The following PYGL variants were observed in gnomAD, a reference collection of about 807,000 sequenced individuals.
PYGL encodes the protein glycogen phosphorylase L, also known as glycogen phosphorylase, liver form.
Under a neutral mutation model 100.1 loss-of-function variants are expected in PYGL, and 90 were observed. That is an observed-to-expected ratio of 0.90 (90% confidence interval 0.76 to 1.07). The LOEUF (loss-of-function observed/expected upper bound fraction) is 1.07. Ranked by LOEUF, PYGL falls within the 50% of genes least tolerant of loss-of-function variation. PYGL has a pLI of 0.00. For missense variants in PYGL, 1,016 were observed against 1,057.6 expected, an observed-to-expected ratio of 0.96 and a Z score of 0.55; for synonymous variants, 373 against 393.0, an observed-to-expected ratio of 0.95 and a Z score of 0.60.
chr14:50,920,522 A>AG lies in PYGL; in HGVS notation c.855+18dup. 6.3e-7 allele frequency: 1 copy of AG among 1,594,754 alleles called. No homozygotes were observed. The highest frequency in any genetic ancestry group is 8.6e-7 in the Non-Finnish European group (1 of 1,162,512). On this transcript the variant is annotated intron_variant, in intron 7 of 19. Coordinates refer to ENST00000216392, the MANE Select transcript of PYGL (RefSeq NM_002863.5). ...AAGCTGCCTCTGTTGCCACTAAGAA[A>AG]GCAACCTTGATCACTCACATTGTCA...
At chr14:50,917,754 G>C (rs1005314163) in intron 7 of PYGL, among the ~76,000 whole-genome samples, 2 of 152,222 alleles carry the variant, frequency 1.3e-5, no homozygotes, top group African/African-American at 4.8e-5. Context: ...GGCCTTAGAG[G>C]CCATGATGGT....
chr14:50,915,129 A>C (rs2050433384), intron 11 of PYGL: 1 of 705,238 alleles, frequency 1.4e-6, no homozygotes, highest in Non-Finnish European at 2.3e-6. Flanking sequence ...CTATGTCTAG[A>C]ATTAAGATGG....
chr14:50,905,220 C>A lies in PYGL; in HGVS notation c.*172G>T, dbSNP rs2050318019. ...AAAATAAGTTTTGGCACTCATGTAG[C>A]CCTTGGAAATTGACACTTTATTTTT... On this transcript the variant is annotated 3_prime_UTR_variant, in exon 20 of 20. Transcript: ENST00000216392. 1.5e-6 allele frequency: 1 copy of A among 676,476 alleles called. No individual in the cohort carries two copies. The highest frequency in any genetic ancestry group is 2.8e-5 in the East Asian group (1 of 35,722). 41.9% of individuals were successfully genotyped at this position (676,476 alleles called of 1,614,324 possible).
intron 1 of PYGL, among the ~76,000 whole-genome samples, chr14:50,939,582 TA>T (rs371918661): frequency 4.4e-4 from 64 of 145,362 alleles, no homozygotes; most frequent in South Asian, 4.3e-4. Context: ...GTTTACTAAT[TA>T]AAAAAAAAAA....
intron 7 of PYGL, among the ~76,000 whole-genome samples, chr14:50,918,743 TA>T (rs1248789930): frequency 6.6e-6 from 1 of 152,166 alleles, no homozygotes; most frequent in Admixed American, 6.5e-5. Flanking sequence ...AAATTACCAC[TA>T]AAGAACTTAT....
At position 50,910,022 on chromosome 14, in the gene PYGL, G is replaced by A; in HGVS notation, c.2050C>T (p.Leu684=). 6.2e-7 allele frequency: 1 copy of A among 1,614,152 alleles called. No individual in the cohort carries two copies. The highest frequency in any genetic ancestry group is 8.5e-7 in the Non-Finnish European group (1 of 1,179,998). The change falls in exon 17 of 20, where the codon CTA becomes TTA. Residue 684 remains leucine, a synonymous_variant. Coordinates refer to ENST00000216392, the MANE Select transcript of PYGL (RefSeq NM_002863.5). ...ASGTGNMKFM[L]NGALTIGTMD... is the part of the protein sequence containing the mutation. ...GTCCCGATAGTTAGGGCCCCATTTAGCATGAACTTCATATTGCCTGTCCCC... is the reference window on the plus strand; with the variant it reads ...GTCCCGATAGTTAGGGCCCCATTTAACATGAACTTCATATTGCCTGTCCCC...
At chr14:50,912,889 G>A in intron 13 of PYGL, 140 bp downstream of exon 13, 1 of 727,540 alleles carries the variant, frequency 1.4e-6, no homozygotes, top group East Asian at 3.0e-5. Flanking sequence ...GGGAGGCGGA[G>A]GTTGCAGTGA....
intron 1 of PYGL, among the ~76,000 whole-genome samples, chr14:50,943,924 G>A (rs2050724079): frequency 6.6e-6 from 1 of 152,242 alleles, no homozygotes; most frequent in South Asian, 2.1e-4. Flanking sequence ...CGGCACAGTG[G>A]TTTGGGCGGG....
At chr14:50,924,131 T>C in intron 4 of PYGL, 31 bp from the exon 5 acceptor site, 1 of 1,609,030 alleles carries the variant, frequency 6.2e-7, no homozygotes, top group Non-Finnish European at 8.5e-7. Flanking sequence ...GCTTAGAATT[T>C]ATTTGTCAGG....
chr14:50,920,527 C>T lies in PYGL; in HGVS notation c.855+14G>A. 1 of 1,601,410 alleles carries T rather than the reference C, an allele frequency of 6.2e-7. No individual in the cohort carries two copies. On this transcript the variant is annotated intron_variant, in intron 7 of 19. Transcript: ENST00000216392. ...GCCTCTGTTGCCACTAAGAAAGCAA[C>T]CTTGATCACTCACATTGTCATTGGG...
rs144257427 is a variant in PYGL at position 50,920,879 on chromosome 14, A to G, written c.772+77T>C. ...ACTCAAGGCTTTTTTGTTTGTTTCA[A>G]GCTCAATTTGGTTCTAACTACCAAT... On this transcript the variant is annotated intron_variant, in intron 6 of 19. Transcript: ENST00000216392. The G allele has an allele frequency of 5.9e-4, 830 of 1,416,466 alleles. 3 individuals carry two copies. In the African/African-American group the frequency reaches 0.01, roughly 17 times the overall value. The allele number at this position is 1,416,466 out of a possible 1,614,324, so 87.7% of individuals were successfully genotyped here. A position where few individuals can be genotyped will look rare whatever the true frequency, so the allele number is the denominator to read the frequency against.
In PYGL at chr14:50,909,946, A is replaced by G; in HGVS notation, c.2126T>C (p.Leu709Pro). The change falls in exon 17 of 20, where the codon CTG becomes CCG. Residue 709 changes from leucine to proline, a missense_variant. Coordinates refer to ENST00000216392, the MANE Select transcript of PYGL (RefSeq NM_002863.5). ...ATCTATCCTCATGCCAAAGATGAAC[A>G]GGTTCTCTTCCCCAGCTTCTTCTGC... ...EMAEEAGEEN[L>P]FIFGMRIDDV... 3 of 1,614,102 alleles carry G rather than the reference A, an allele frequency of 1.9e-6. No homozygotes were observed. The highest frequency in any genetic ancestry group is 2.7e-5 in the African/African-American group (2 of 74,926).
intron 5 of PYGL, among the ~76,000 whole-genome samples, chr14:50,922,988 A>G (rs2050514943): frequency 6.6e-6 from 1 of 152,256 alleles, no homozygotes; most frequent in South Asian, 2.1e-4. Context: ...CGCACAGAGC[A>G]CATCTGGACT....
In PYGL at chr14:50,905,454, C is replaced by G; in HGVS notation, c.2482G>C (p.Val828Leu). ...IKEYAQNIWN[V>L]EPSDLKISLS... Reference sequence around the variant, plus strand: ...GAAATCTTTAGATCTGAAGGTTCCACGTTCCAGATGTTTTGGGCATATTCT... The same window carrying G: ...GAAATCTTTAGATCTGAAGGTTCCAGGTTCCAGATGTTTTGGGCATATTCT... The change falls in exon 20 of 20, where the codon GTG becomes CTG. Residue 828 changes from valine to leucine, a missense_variant. Physicochemically the swap from Val to Leu is conservative, Grantham distance 32 (BLOSUM62 1). Transcript: ENST00000216392. 1.2e-6 allele frequency: 2 copies of G among 1,613,764 alleles called. No homozygotes were observed. The highest frequency in any genetic ancestry group is 1.7e-6 in the Non-Finnish European group (2 of 1,179,666).
chr14:50,909,968 C>T lies in PYGL; in HGVS notation c.2104G>A (p.Glu702Lys), dbSNP rs2050376071. The change falls in exon 17 of 20, where the codon GAA becomes AAA. Residue 702 changes from glutamate to lysine, a missense_variant. Coordinates refer to ENST00000216392, the MANE Select transcript of PYGL (RefSeq NM_002863.5). The stretch of plus-strand genomic sequence containing the variant: ...AACAGGTTCTCTTCCCCAGCTTCTT[C>T]TGCCATTTCCACATTGGCCCCATCC... ...TMDGANVEMA[E>K]EAGEENLFIF... 1.2e-6 allele frequency: 2 copies of T among 1,614,126 alleles called. No homozygotes were observed. Among genetic ancestry groups the T allele is most frequent in the Non-Finnish European group, 1.7e-6 (2 of 1,180,044 alleles).
chr14:50,908,950 T>C lies in PYGL; in HGVS notation c.2183A>G (p.Glu728Gly). Reference sequence around the variant, plus strand: ...AAGTGCCTCATAGTATTCTTTTGCCTCGTACCTGTGGGGTAGGGGTGGGTG... The same window carrying C: ...AAGTGCCTCATAGTATTCTTTTGCCCCGTACCTGTGGGGTAGGGGTGGGTG... ...DVAALDKKGY[E>G]AKEYYEALPE... Residue 728 changes from glutamate to glycine, a missense_variant, in exon 18 of 20, where the codon GAG becomes GGG. Physicochemically the swap from Glu to Gly is moderately conservative, Grantham distance 98 (BLOSUM62 -2). Transcript: ENST00000216392. The C allele has an allele frequency of 6.5e-7, 1 of 1,549,172 alleles. No individual in the cohort carries two copies. The highest frequency in any genetic ancestry group is 8.9e-7 in the Non-Finnish European group (1 of 1,128,192).
At chr14:50,936,094 G>A (rs55949231) in intron 2 of PYGL, among the ~76,000 whole-genome samples, 18 of 152,296 alleles carry the variant, frequency 1.2e-4, no homozygotes, top group African/African-American at 4.1e-4. Flanking sequence ...CTCATTTTAC[G>A]ATGAAAGAAT....
intron 10 of PYGL, among the ~76,000 whole-genome samples, 154 bp downstream of exon 10, chr14:50,915,671 C>G (rs1278577580): frequency 1.3e-5 from 2 of 152,180 alleles, no homozygotes; most frequent in African/African-American, 4.8e-5. Context: ...TCAGCACTTT[C>G]AAAAAGCTGC....
chr14:50,937,937 C>T, intron 1 of PYGL, 100 bp from the exon 2 acceptor site: 14 of 1,062,928 alleles, frequency 1.3e-5, no homozygotes, highest in Non-Finnish European at 1.7e-5. Context: ...AAGAAACAAA[C>T]AGGCAGGACT....
Sources: gnomAD v4.1 joint callset for allele counts (sites outside exome capture counted in the v4.1 genomes callset) on GRCh38, gnomAD v4.1.1 for gene constraint, MANE v1.5 for transcripts, NCBI Gene and HGNC (gene_info 2026-07-23, HGNC 2026-07-21) for gene names.